FGD1: variants seen among roughly 807,000 people sequenced by gnomAD.
The protein encoded by FGD1 is FYVE, RhoGEF and PH domain containing 1.
In FGD1, 12 loss-of-function variants were observed where a neutral mutation model predicts 65.0. The ratio of observed to expected loss-of-function variants is 0.18; its 90% confidence interval spans 0.12 to 0.30. The LOEUF (loss-of-function observed/expected upper bound fraction) is 0.30. Ranked by LOEUF, FGD1 falls within the 10% of genes least tolerant of loss-of-function variation. The pLI, the probability that FGD1 is intolerant of heterozygous loss-of-function variation, is 1.00. For synonymous variants in FGD1, 333 were observed against 343.9 expected (o/e 0.97, Z 0.35); for missense variants, 542 against 837.6 (o/e 0.65, Z 4.36).
intron 1 of FGD1, among the ~76,000 whole-genome samples, chrX:54,482,088 G>A (rs1055794291): frequency 1.8e-5 from 2 of 111,547 alleles, no homozygotes; most frequent in Non-Finnish European, 3.8e-5. Flanking sequence ...AGGCACAGAG[G>A]AGCACGTAAC....
At chrX:54,483,448 G>C (rs1923201607) in intron 1 of FGD1, among the ~76,000 whole-genome samples, 1 of 112,573 alleles carries the variant, frequency 8.9e-6, no homozygotes, top group Admixed American at 9.2e-5. Context: ...TTCTATGCCA[G>C]CTGCAGCTCC....
At chrX:54,477,232 G>A (rs1923038787) in intron 1 of FGD1, among the ~76,000 whole-genome samples, 1 of 112,037 alleles carries the variant, frequency 8.9e-6, no homozygotes, top group African/African-American at 3.2e-5. Flanking sequence ...CACCCTTCCT[G>A]CCCCACTCTC....
chrX:54,489,476 T>C (rs1329528383), intron 1 of FGD1, among the ~76,000 whole-genome samples: 1 of 111,258 alleles, frequency 9.0e-6, no homozygotes, highest in Non-Finnish European at 1.9e-5. Flanking sequence ...TCTCAGCTAC[T>C]TGGGAGGCTG....
chrX:54,474,899 G>A (rs1306537844), intron 1 of FGD1, among the ~76,000 whole-genome samples: 2 of 112,202 alleles, frequency 1.8e-5, no homozygotes, highest in South Asian at 3.7e-4. Flanking sequence ...CTTGGGCCTG[G>A]AGGAGCCCAC....
Position 54,465,847 on chromosome X carries a change from C to T in FGD1, c.1346G>A (p.Arg449His), listed in dbSNP as rs757230624. 9 of 1,209,474 alleles carry T rather than the reference C, an allele frequency of 7.4e-6. No homozygotes were observed. The East Asian group carries it at 8.9e-5, about 12-fold the overall frequency. ...ELEKRMEEWDRYPRIGDILQK... is the reference protein window; with the variant it reads ...ELEKRMEEWDHYPRIGDILQK... ...CAGGATGTCTCCAATGCGTGGATAG[C>T]GGTCCCTGGGGTGGAATTAGGGGCT... The change falls in exon 7 of 18, where the codon CGC becomes CAC. Residue 449 changes from arginine (R) to histidine (H), a missense_variant. Around this residue, in one of 6 missense-constraint regions of FGD1, gnomAD observed 41 missense variants for 109.5 expected, o/e 0.37. Transcript: ENST00000375135.
intron 1 of FGD1, among the ~76,000 whole-genome samples, chrX:54,487,973 C>A (rs1183249349): frequency 2.0e-5 from 2 of 99,819 alleles, no homozygotes; most frequent in Non-Finnish European, 4.0e-5. Flanking sequence ...AACAAACAAA[C>A]AAACAAAAAA....
intron 8 of FGD1, among the ~76,000 whole-genome samples, chrX:54,463,126 C>A (rs1435062001): frequency 9.0e-6 from 1 of 111,073 alleles, no homozygotes; most frequent in Non-Finnish European, 1.9e-5. Flanking sequence ...CCTTGGCCCC[C>A]TTTCCCCTCC....
chrX:54,452,595 A>C (rs1287623436), intron 12 of FGD1, among the ~76,000 whole-genome samples: 2 of 109,960 alleles, frequency 1.8e-5, no homozygotes, highest in East Asian at 5.7e-4. Flanking sequence ...AAAATGCAAA[A>C]ATTAGCCGGG....
At chrX:54,478,990 AAATTC>A (rs1923082030) in intron 1 of FGD1, among the ~76,000 whole-genome samples, 1 of 112,154 alleles carries the variant, frequency 8.9e-6, no homozygotes, top group Admixed American at 9.5e-5. Context: ...CTCCCCATTC[AAATTC>A]AATTCAAAAT....
chrX:54,472,858 C>T (rs1601956200), intron 1 of FGD1, among the ~76,000 whole-genome samples: 1 of 111,308 alleles, frequency 9.0e-6, no homozygotes, highest in East Asian at 2.8e-4. Flanking sequence ...GAGGTACCAC[C>T]ATCACATGGT....
Position 54,470,342 on chromosome X carries a change from C to T in FGD1, c.775G>A (p.Gly259Ser), listed in dbSNP as rs764561536. Residue 259 changes from glycine to serine, a missense_variant, in exon 4 of 18, where the codon GGT becomes AGT. Physicochemically the swap from Gly to Ser is moderately conservative, Grantham distance 56 (BLOSUM62 0). This residue lies in a region of FGD1 where 297 missense variants were observed against 326.8 expected (regional missense o/e 0.91). Coordinates refer to ENST00000375135, the MANE Select transcript of FGD1 (RefSeq NM_004463.3). Reference protein sequence around the residue: ...SQPPVPQLPEGEASRCLFLLA... With the variant: ...SQPPVPQLPESEASRCLFLLA... ...AGAAACAGGCAGCGGGAGGCCTCAC[C>T]CTCGGGGAGCTGGGGCACTGGTGGC... 1 of 1,208,800 alleles carries T rather than the reference C, an allele frequency of 8.3e-7. No individual in the cohort carries two copies. Among genetic ancestry groups the T allele is most frequent in the Non-Finnish European group, 1.1e-6 (1 of 894,120 alleles).
At chrX:54,483,094 G>C (rs1027286953) in intron 1 of FGD1, among the ~76,000 whole-genome samples, 2 of 111,963 alleles carry the variant, frequency 1.8e-5, no homozygotes, top group African/African-American at 6.5e-5. Context: ...ACCTGGGTCT[G>C]GGGGGCTCTC....
At position 54,446,050 on chromosome X, in the gene FGD1, CCAAT is replaced by C. The variant is rs1287129245; in HGVS notation, c.*55_*58del. The C allele has an allele frequency of 1.0e-6, 1 of 975,555 alleles. No homozygotes were observed. The highest frequency in any genetic ancestry group is 1.9e-5 in the African/African-American group (1 of 51,567). The allele number at this position is 975,555 out of a possible 1,213,427, so 80.4% of individuals were successfully genotyped here. A position where few individuals can be genotyped will look rare whatever the true frequency, so the allele number is the denominator to read the frequency against. On this transcript the variant is annotated 3_prime_UTR_variant, in exon 18 of 18. Transcript: ENST00000375135. ...GCTGGGAGGGAAGGGGCTAGAGCCC[CCAAT>C]CAGACATGGGCAACTAGAGTGTGGG...
At chrX:54,487,062 G>A (rs1424240037) in intron 1 of FGD1, among the ~76,000 whole-genome samples, 2 of 107,304 alleles carry the variant, frequency 1.9e-5, no homozygotes, top group Non-Finnish European at 3.9e-5. Flanking sequence ...CTGGAGTGCA[G>A]TGGTGCAATT....
intron 1 of FGD1, among the ~76,000 whole-genome samples, chrX:54,486,760 G>A (rs1027987588): frequency 9.5e-6 from 1 of 105,542 alleles, no homozygotes; most frequent in Non-Finnish European, 2.0e-5. Context: ...AGGCCAAGGC[G>A]GGCGGATCAC....
chrX:54,476,866 C>G (rs1320224289), intron 1 of FGD1, among the ~76,000 whole-genome samples: 1 of 105,960 alleles, frequency 9.4e-6, no homozygotes, highest in Non-Finnish European at 2.0e-5. Flanking sequence ...TGAGGTGAGG[C>G]CTTACTATTT....
At chrX:54,447,136 C>T (rs777716134) in intron 17 of FGD1, among the ~76,000 whole-genome samples, 175 bp downstream of exon 17, 1 of 112,203 alleles carries the variant, frequency 8.9e-6, no homozygotes, top group East Asian at 2.8e-4. Flanking sequence ...ACCACAACCA[C>T]TCCTTGTCTC....
intron 1 of FGD1, among the ~76,000 whole-genome samples, chrX:54,482,195 CG>C (rs1389986962): frequency 1.8e-5 from 2 of 110,826 alleles, no homozygotes; most frequent in Non-Finnish European, 3.8e-5. Context: ...AATAGATCCA[CG>C]GGGACAAAGA....
At chrX:54,455,240 AC>A (rs946025682) in intron 12 of FGD1, among the ~76,000 whole-genome samples, 2 of 112,245 alleles carry the variant, frequency 1.8e-5, no homozygotes, top group African/African-American at 6.5e-5. Flanking sequence ...CAGGAGTGCC[AC>A]CTTTCCCCAT....
Sources: gnomAD v4.1 joint callset for allele counts (sites outside exome capture counted in the v4.1 genomes callset) on GRCh38, gnomAD v4.1.1 for gene constraint, gnomAD v4.1.1 regional missense constraint, MANE v1.5 for transcripts, NCBI Gene and HGNC (gene_info 2026-07-23, HGNC 2026-07-21) for gene names.